PDZD2: variants seen among roughly 807,000 people sequenced by gnomAD.
The protein encoded by PDZD2 is PDZ domain containing 2.
A neutral mutation model predicts 220.7 loss-of-function variants in PDZD2; 90 were observed. The ratio of observed to expected loss-of-function variants is 0.41; its 90% CI spans 0.34 to 0.49. PDZD2 has a LOEUF of 0.49. Ranked by LOEUF, PDZD2 falls within the 20% of genes least tolerant of loss-of-function variation. The pLI is 0.28. For synonymous variants in PDZD2, 1,375 were observed against 1,450.5 expected, an observed-to-expected ratio of 0.95 and a Z score of 1.18; for missense variants, 3,174 against 3,608.5, an observed-to-expected ratio of 0.88 and a Z score of 3.08.
At chr5:31,725,102 G>A (rs2011949) in intron 1 of PDZD2, among the ~76,000 whole-genome samples, 28,921 of 151,846 alleles carry the variant, frequency 0.19, 2,831 homozygotes, top group African/African-American at 0.23. Flanking sequence ...GGGCTAAGGC[G>A]GATGGATCAC....
chr5:31,986,076 C>CAAA (rs55659088), intron 3 of PDZD2, among the ~76,000 whole-genome samples: 1,196 of 102,048 alleles, frequency 0.012, 23 homozygotes, highest in South Asian at 0.017. Context: ...ACTCTTGTCT[C>CAAA]AAAAAAAAAA....
intron 6 of PDZD2, among the ~76,000 whole-genome samples, chr5:32,029,868 A>C (rs1002985952): frequency 6.6e-6 from 1 of 152,232 alleles, no homozygotes; most frequent in African/African-American, 2.4e-5. Flanking sequence ...AATATCAAGA[A>C]AAGGCAGGTT....
intron 1 of PDZD2, among the ~76,000 whole-genome samples, chr5:31,687,419 G>T (rs1746916445): frequency 6.6e-6 from 1 of 152,098 alleles, no homozygotes; most frequent in Non-Finnish European, 1.5e-5. Flanking sequence ...TCTGATTTCT[G>T]TCTGAGACCT....
chr5:32,063,161 C>T (rs1739853373), intron 14 of PDZD2, among the ~76,000 whole-genome samples: 1 of 151,916 alleles, frequency 6.6e-6, no homozygotes, highest in Admixed American at 6.6e-5. Flanking sequence ...TCTCCCGCCT[C>T]AGCCTTCTGA....
chr5:31,839,124 C>A (rs1337603416), intron 2 of PDZD2, among the ~76,000 whole-genome samples: 1 of 152,194 alleles, frequency 6.6e-6, no homozygotes, highest in African/African-American at 2.4e-5. Context: ...AGGAAAAGGT[C>A]ATCGCTTTTG....
intron 2 of PDZD2, among the ~76,000 whole-genome samples, chr5:31,881,326 ATGTGTGTGTGTG>A (rs67969355): frequency 0.049 from 6,083 of 123,290 alleles, 441 homozygotes; most frequent in African/African-American, 0.17. Flanking sequence ...TTCCATATAT[ATGTGTGTGTGTG>A]TGTGTGTGTG....
chr5:32,044,130 A>G (rs1737698804), intron 7 of PDZD2, among the ~76,000 whole-genome samples: 1 of 150,792 alleles, frequency 6.6e-6, no homozygotes, highest in Non-Finnish European at 1.5e-5. Flanking sequence ...GGAGTTCGAG[A>G]CCAGCCTGGC....
At chr5:31,950,852 T>C (rs1008870506) in intron 2 of PDZD2, among the ~76,000 whole-genome samples, 4 of 152,208 alleles carry the variant, frequency 2.6e-5, no homozygotes, top group African/African-American at 9.6e-5. Flanking sequence ...AAATGGAATC[T>C]TAGTCTGCTT....
In PDZD2 at chr5:32,088,378, A is replaced by G. The variant is rs80258181; in HGVS notation, c.4930A>G (p.Ser1644Gly). The G allele has an allele frequency of 1.2e-6, 2 of 1,613,980 alleles. No individual in the cohort carries two copies. Among genetic ancestry groups the G allele is most frequent in the Non-Finnish European group, 8.5e-7 (1 of 1,180,026 alleles). Reference sequence around the variant, plus strand: ...CAGCACTCCGAGAGAGTCGGTGGCCAGTCCCCGTGAGAAGGCCGCCTGCTT... The same window carrying G: ...CAGCACTCCGAGAGAGTCGGTGGCCGGTCCCCGTGAGAAGGCCGCCTGCTT... Reference protein sequence around the residue: ...KYSTPRESVASPREKAACLPG... With the variant: ...KYSTPRESVAGPREKAACLPG... The change falls in exon 20 of 25, where the codon AGT (serine) becomes GGT (glycine). Residue 1644 changes from serine (S) to glycine (G), a missense_variant. By Grantham distance (56) the Ser-to-Gly change is moderately conservative. Transcript: ENST00000438447. This position sits in a 1 kb window ranked among gnomAD's most constrained non-coding sequence, Gnocchi z 4.6.
chr5:31,679,614 T>C (rs1746574120), intron 1 of PDZD2, among the ~76,000 whole-genome samples: 1 of 152,206 alleles, frequency 6.6e-6, no homozygotes, highest in African/African-American at 2.4e-5. Flanking sequence ...TTCAAGTGAT[T>C]CTCCTGCCTC....
intron 6 of PDZD2, among the ~76,000 whole-genome samples, chr5:32,036,827 T>C (rs1033167828): frequency 6.6e-6 from 1 of 152,274 alleles, no homozygotes; most frequent in Non-Finnish European, 1.5e-5. Flanking sequence ...GAAAAAGCAC[T>C]GGCCTACAGG....
At chr5:31,936,299 C>G in intron 2 of PDZD2, 1 of 987,666 alleles carries the variant, frequency 1.0e-6, no homozygotes, top group Non-Finnish European at 1.2e-6. Flanking sequence ...ATTCCAGAGG[C>G]TGCTGAAGCA....
Position 32,073,863 on chromosome 5 carries a change from C to T in PDZD2, c.2757C>T (p.Asn919=), listed in dbSNP as rs1251797094. Reference sequence around the variant, plus strand: ...AGGAGCCTGGAAAACCCAGAGCCAACAGCCTCGTGACTCTTGGGAGCCATC... The same window carrying T: ...AGGAGCCTGGAAAACCCAGAGCCAATAGCCTCGTGACTCTTGGGAGCCATC... ...THKEPGKPRA[N]SLVTLGSHRA... is the part of the protein sequence containing the mutation. The change falls in exon 18 of 25, where the codon AAC becomes AAT. Residue 919 remains asparagine (N), a synonymous_variant. Coordinates refer to ENST00000438447, the MANE Select transcript of PDZD2 (RefSeq NM_178140.4). The T allele has an allele frequency of 2.5e-6, 4 of 1,612,984 alleles. No individual in the cohort carries two copies. Among genetic ancestry groups the T allele is most frequent in the Non-Finnish European group, 3.4e-6 (4 of 1,179,566 alleles).
chr5:31,929,418 G>C (rs1745057917), intron 2 of PDZD2, among the ~76,000 whole-genome samples: 2 of 152,230 alleles, frequency 1.3e-5, no homozygotes, highest in African/African-American at 4.8e-5. Context: ...TCTGCCACTA[G>C]ATGCCAGCAG....
chr5:31,800,811 G>A (rs1341132589), intron 2 of PDZD2, among the ~76,000 whole-genome samples: 4 of 152,170 alleles, frequency 2.6e-5, no homozygotes, highest in Non-Finnish European at 4.4e-5. Context: ...GGGGCTCCTG[G>A]GAGTAAGGCT....
intron 1 of PDZD2, among the ~76,000 whole-genome samples, chr5:31,763,490 A>G (rs187997789): frequency 1.2e-4 from 18 of 152,280 alleles, no homozygotes; most frequent in South Asian, 8.3e-4. Context: ...ACGAGCCACA[A>G]TGGAAGGAAG....
chr5:31,778,943 T>A (rs1752885015), intron 1 of PDZD2, among the ~76,000 whole-genome samples: 1 of 152,208 alleles, frequency 6.6e-6, no homozygotes, highest in African/African-American at 2.4e-5. Context: ...ATTTCATTTT[T>A]AAAAATGAAA....
chr5:31,896,138 C>G (rs1336769594), intron 2 of PDZD2, among the ~76,000 whole-genome samples: 2 of 152,086 alleles, frequency 1.3e-5, no homozygotes, highest in East Asian at 3.9e-4. Flanking sequence ...ACGTGACCCT[C>G]TCTGACACCT....
At chr5:32,101,014 G>A in intron 23 of PDZD2, 91 bp from the exon 24 acceptor site, 1 of 1,591,606 alleles carries the variant, frequency 6.3e-7, no homozygotes, top group Non-Finnish European at 8.6e-7. Flanking sequence ...AGAAGTACAT[G>A]GGGCTGGAGG....
Sources: allele counts gnomAD v4.1 joint callset (sites outside exome capture counted in the v4.1 genomes callset), GRCh38; gene constraint gnomAD v4.1.1; non-coding constraint Gnocchi (gnomAD v3.1); transcripts MANE v1.5; gene names NCBI Gene and HGNC (gene_info 2026-07-23, HGNC 2026-07-21).